Variants in TRRAP observed in about 807,000 individuals in gnomAD.
The protein encoded by TRRAP is transformation/transcription domain-associated protein.
A neutral mutation model predicts 438.8 loss-of-function variants in TRRAP; 41 were observed. The ratio of observed to expected loss-of-function variants is 0.09; its 90% CI spans 0.07 to 0.12. The LOEUF (loss-of-function observed/expected upper bound fraction) is 0.12. TRRAP is among the 10% of genes least tolerant of loss of function. TRRAP has a pLI of 1.00. For missense variants in TRRAP, 3,122 were observed against 5,055.1 expected (o/e 0.62, Z 11.60); for synonymous variants, 1,994 against 1,962.9 (o/e 1.02, Z -0.42).
At chr7:98,984,917 T>C in intron 61 of TRRAP, 27 bp from the exon 62 acceptor site, 1 of 1,528,484 alleles carries the variant, frequency 6.5e-7, no homozygotes. Context: ...TTCAAGAACT[T>C]TTTTTCTGCT....
chr7:98,978,755 C>T lies in TRRAP; in HGVS notation c.8499-14C>T, dbSNP rs1329459909. ...GGTGATTGAGCTTTTGCTCTGGGAT[C>T]TGTGGTCTTCTAGATGCTCCAAGGA... On this transcript the variant is annotated splice_polypyrimidine_tract_variant and intron_variant, in intron 57 of 72. Coordinates refer to ENST00000456197, the MANE Select transcript of TRRAP (RefSeq NM_001375524.1). The T allele has an allele frequency of 6.2e-7, 1 of 1,614,112 alleles. No homozygotes were observed. Among genetic ancestry groups the T allele is most frequent in the East Asian group, 2.2e-5 (1 of 44,888 alleles).
At chr7:98,911,405 A>G (rs782039522) in intron 17 of TRRAP, 134 bp downstream of exon 17, 13 of 847,184 alleles carry the variant, frequency 1.5e-5, no homozygotes, top group South Asian at 2.1e-5. Context: ...ATTTAAAGAA[A>G]TATTAGGCCA....
At chr7:98,970,078 C>A in intron 51 of TRRAP, 34 bp from the exon 52 acceptor site, 1 of 1,609,366 alleles carries the variant, frequency 6.2e-7, no homozygotes, top group South Asian at 1.1e-5. Flanking sequence ...CACGCGCATG[C>A]CTTGGGTCTG....
At chr7:98,903,098 T>G (rs1796549016) in intron 11 of TRRAP, among the ~76,000 whole-genome samples, 1 of 152,056 alleles carries the variant, frequency 6.6e-6, no homozygotes, top group South Asian at 2.1e-4. Context: ...CTTGCCTCAC[T>G]GCAACCTTCT....
At chr7:98,959,557 G>T in intron 45 of TRRAP, 67 bp downstream of exon 45, 1 of 1,564,450 alleles carries the variant, frequency 6.4e-7, no homozygotes, top group Non-Finnish European at 8.6e-7. Flanking sequence ...TGTCACCTGG[G>T]CAGGGACTGG....
At chr7:98,943,085 A>C in intron 31 of TRRAP, 68 bp downstream of exon 31, 1 of 1,545,034 alleles carries the variant, frequency 6.5e-7, no homozygotes, top group Non-Finnish European at 8.9e-7. Context: ...ATGCCGGGAC[A>C]GTGCTTTCAT....
Position 99,009,006 on chromosome 7 carries a change from T to C in TRRAP, c.10938+445T>C, listed in dbSNP as rs564497029. ...GGCGATGTGCAGCATGTGTGCTGTT[T>C]TCTAAAATACAAAAAGCGACAGACT... On this transcript the variant is annotated intron_variant, in intron 70 of 72. Coordinates refer to ENST00000456197, the MANE Select transcript of TRRAP (RefSeq NM_001375524.1). Among the ~76,000 whole-genome samples the C allele has an allele frequency of 2.0e-5, 3 of 152,248 alleles. No homozygotes were observed. The East Asian group carries it at 5.8e-4, about 30-fold the overall frequency.
chr7:98,880,421 G>C (rs11975718), intron 1 of TRRAP, among the ~76,000 whole-genome samples: 1 of 151,786 alleles, frequency 6.6e-6, no homozygotes, highest in Non-Finnish European at 1.5e-5. Context: ...CCACTACCAC[G>C]CCTGGCTAAT....
chr7:98,924,974 C>T (rs1789978747), intron 21 of TRRAP, 138 bp from the exon 22 acceptor site: 1 of 1,217,736 alleles, frequency 8.2e-7, no homozygotes, highest in Non-Finnish European at 1.1e-6. Flanking sequence ...CACTGCACTC[C>T]AGCCCAGGCG....
intron 67 of TRRAP, among the ~76,000 whole-genome samples, chr7:99,003,680 C>T (rs902759489): frequency 3.9e-5 from 6 of 152,210 alleles, no homozygotes; most frequent in East Asian, 1.9e-4. Flanking sequence ...CCTCTCCACG[C>T]GGTGGGAGGT....
intron 31 of TRRAP, among the ~76,000 whole-genome samples, chr7:98,945,317 G>A (rs377311157): frequency 6.6e-5 from 10 of 152,212 alleles, no homozygotes; most frequent in East Asian, 5.8e-4. Flanking sequence ...CATTGGGTGC[G>A]GTGATGGCCT....
chr7:98,995,345 C>T (rs567608260), intron 67 of TRRAP, among the ~76,000 whole-genome samples: 15 of 143,238 alleles, frequency 1.0e-4, no homozygotes, highest in African/African-American at 2.9e-4. Context: ...AGACAGGGTC[C>T]GGTGGGCCCA....
At chr7:98,982,100 G>A (rs1324604640) in intron 59 of TRRAP, 140 bp downstream of exon 59, 6 of 827,722 alleles carry the variant, frequency 7.2e-6, no homozygotes, top group Non-Finnish European at 1.0e-5. Context: ...CCACTTATAC[G>A]CGTCCTCAGG....
chr7:98,977,880 C>G (rs1792737667), intron 56 of TRRAP, among the ~76,000 whole-genome samples: 1 of 152,220 alleles, frequency 6.6e-6, no homozygotes, highest in African/African-American at 2.4e-5. Context: ...TGTCTTCTGT[C>G]TCTGAACAGA....
chr7:98,930,703 A>G lies in TRRAP; in HGVS notation c.3464A>G (p.Tyr1155Cys). 6.2e-7 allele frequency: 1 copy of G among 1,614,236 alleles called. No homozygotes were observed. Among genetic ancestry groups the G allele is most frequent in the Non-Finnish European group, 8.5e-7 (1 of 1,180,048 alleles). Reference protein sequence around the residue: ...LCACCYEQAWYAKLGGVVSIK... With the variant: ...LCACCYEQAWCAKLGGVVSIK... Reference sequence around the variant, plus strand: ...GCATGTTGTTATGAACAGGCGTGGTATGCAAAGCTGGGGGGTGTGGTGTCT... The same window carrying G: ...GCATGTTGTTATGAACAGGCGTGGTGTGCAAAGCTGGGGGGTGTGGTGTCT... Residue 1155 changes from tyrosine (Y) to cysteine (C), a missense_variant, in exon 25 of 73, where the codon TAT becomes TGT. This residue lies in a region of TRRAP where 153 missense variants were observed against 223.0 expected (regional missense o/e 0.69). Coordinates refer to ENST00000456197, the MANE Select transcript of TRRAP (RefSeq NM_001375524.1).
chr7:98,885,441 C>T (rs1795652755), intron 3 of TRRAP, among the ~76,000 whole-genome samples: 1 of 152,004 alleles, frequency 6.6e-6, no homozygotes, highest in South Asian at 2.1e-4. Context: ...AAAATATTCC[C>T]TAGCTTCCGT....
At chr7:98,921,293 A>T (rs1249531517) in intron 20 of TRRAP, among the ~76,000 whole-genome samples, 2 of 152,324 alleles carry the variant, frequency 1.3e-5, no homozygotes, top group East Asian at 3.9e-4. Context: ...GACTAATAAC[A>T]TTGGTTTCTC....
intron 63 of TRRAP, 49 bp from the exon 64 acceptor site, chr7:98,990,406 A>AG (rs1208296611): frequency 1.3e-6 from 2 of 1,594,224 alleles, no homozygotes; most frequent in Non-Finnish European, 8.6e-7. Flanking sequence ...CTCTTGCTTG[A>AG]GGGCTTCAGA....
chr7:99,001,206 G>A lies in TRRAP; in HGVS notation c.10310-2984G>A, dbSNP rs538752352. Among the ~76,000 whole-genome samples the A allele has an allele frequency of 3.9e-5, 6 of 152,330 alleles. No individual in the cohort carries two copies. The East Asian group carries it at 7.7e-4, about 20-fold the overall frequency. ...CAGTTGCTCCAGGCAGTCTGGGGGC[G>A]CAGCTCCCTGTTCGTGATGTGTGGG... On this transcript the variant is annotated intron_variant, in intron 67 of 72. Transcript: ENST00000456197.
Sources: gnomAD v4.1 joint callset for allele counts (sites outside exome capture counted in the v4.1 genomes callset) on GRCh38, gnomAD v4.1.1 for gene constraint, gnomAD v4.1.1 regional missense constraint, MANE v1.5 for transcripts, NCBI Gene and HGNC (gene_info 2026-07-23, HGNC 2026-07-21) for gene names.